ARHGAP32: variants seen among roughly 807,000 people sequenced by gnomAD.
The protein encoded by ARHGAP32 is Rho GTPase activating protein 32, also known as rho GTPase-activating protein 32.
Under a neutral mutation model 186.5 loss-of-function variants are expected in ARHGAP32, and 51 were observed. That is an observed-to-expected ratio of 0.27 (90% CI 0.22 to 0.35). ARHGAP32 has a LOEUF of 0.35. Ranked by LOEUF, ARHGAP32 falls within the 10% of genes least tolerant of loss-of-function variation. ARHGAP32 has a pLI of 1.00. For synonymous variants in ARHGAP32, 950 were observed against 964.3 expected, an observed-to-expected ratio of 0.99 and a Z score of 0.27; for missense variants, 2,186 against 2,623.5, an observed-to-expected ratio of 0.83 and a Z score of 3.64.
chr11:129,204,862 G>C (rs1277361321), intron 1 of ARHGAP32, among the ~76,000 whole-genome samples: 2 of 152,132 alleles, frequency 1.3e-5, no homozygotes, highest in Non-Finnish European at 2.9e-5. Flanking sequence ...TAAAGTAAGT[G>C]TACTACTATT....
In ARHGAP32 at chr11:129,123,652, C is replaced by A; in HGVS notation, c.360-122G>T. On this transcript the variant is annotated intron_variant, in intron 4 of 22. Transcript: ENST00000682385. The surrounding 1 kb of genome is among the most constrained non-coding windows in gnomAD (Gnocchi z 4.6). ...CAAAAATATTTCGTAAGCACATGCGCATGAGCCACACATATCCGCACAAAT... is the reference window on the plus strand; with the variant it reads ...CAAAAATATTTCGTAAGCACATGCGAATGAGCCACACATATCCGCACAAAT... 1 of 851,856 alleles carries A rather than the reference C, an allele frequency of 1.2e-6. No homozygotes were observed. Among genetic ancestry groups the A allele is most frequent in the Non-Finnish European group, 1.9e-6 (1 of 529,782 alleles). 52.8% of individuals were successfully genotyped at this position (851,856 alleles called of 1,614,324 possible). A position where few individuals can be genotyped will look rare whatever the true frequency, so the allele number is the denominator to read the frequency against.
intron 11 of ARHGAP32, among the ~76,000 whole-genome samples, chr11:129,024,476 C>T (rs1052237830): frequency 5.3e-5 from 8 of 152,244 alleles, no homozygotes; most frequent in African/African-American, 1.7e-4. Flanking sequence ...CAGTAAAAGG[C>T]TGAATCACTA....
intron 1 of ARHGAP32, among the ~76,000 whole-genome samples, chr11:129,242,864 A>G (rs1308704672): frequency 1.3e-5 from 2 of 152,142 alleles, no homozygotes. Context: ...AAATTGTAAT[A>G]AAGTGGTTCT....
intron 2 of ARHGAP32, among the ~76,000 whole-genome samples, chr11:129,147,912 G>C (rs541339624): frequency 2.0e-4 from 31 of 152,224 alleles, no homozygotes; most frequent in African/African-American, 6.7e-4. Context: ...TCACAACCTA[G>C]TAGGGAGACA....
chr11:129,262,307 G>GA (rs1945331923), intron 1 of ARHGAP32, among the ~76,000 whole-genome samples: 1 of 151,684 alleles, frequency 6.6e-6, no homozygotes, highest in Non-Finnish European at 1.5e-5. Flanking sequence ...CTAATAGGTA[G>GA]TAAATATCTA....
intron 6 of ARHGAP32, among the ~76,000 whole-genome samples, chr11:129,088,995 C>CAAA (rs10601798): frequency 2.4e-4 from 20 of 84,740 alleles, no homozygotes; most frequent in African/African-American, 5.9e-4. Flanking sequence ...GAGACCTTGT[C>CAAA]AAAAAAAAAA....
At chr11:129,126,055 T>C (rs1942652183) in intron 2 of ARHGAP32, 2 of 437,106 alleles carry the variant, frequency 4.6e-6, no homozygotes, top group Non-Finnish European at 9.1e-6. Context: ...TCCTAGGTAT[T>C]ATTTCATCAG....
chr11:129,221,677 C>CA (rs549323842), intron 1 of ARHGAP32, among the ~76,000 whole-genome samples: 72 of 151,902 alleles, frequency 4.7e-4, no homozygotes, highest in African/African-American at 1.6e-3. Context: ...CAGTAGAGGA[C>CA]AAACAGGCTT....
intron 5 of ARHGAP32, among the ~76,000 whole-genome samples, chr11:129,115,944 G>A (rs759156321): frequency 2.0e-5 from 3 of 152,106 alleles, no homozygotes; most frequent in Non-Finnish European, 4.4e-5. Flanking sequence ...AGTTTCATAA[G>A]TGCAGAGTTC....
chr11:129,274,660 A>C (rs1250291500), intron 1 of ARHGAP32, among the ~76,000 whole-genome samples: 1 of 152,204 alleles, frequency 6.6e-6, no homozygotes, highest in Non-Finnish European at 1.5e-5. Flanking sequence ...TGAGAGGCAC[A>C]CCAAATTTCT....
chr11:129,130,401 AG>A (rs1339808349), intron 2 of ARHGAP32, among the ~76,000 whole-genome samples: 1 of 152,094 alleles, frequency 6.6e-6, no homozygotes, highest in Non-Finnish European at 1.5e-5. Flanking sequence ...AATAAATCTG[AG>A]GTAAGTAGCA....
At position 129,260,847 on chromosome 11, in the gene ARHGAP32, AACT is replaced by A. The variant is rs527963592; in HGVS notation, c.-5+18296_-5+18298del. 5.1e-4 allele frequency among the ~76,000 whole-genome samples: 77 copies of A among 152,296 alleles called. 1 individual carries two copies. The highest frequency in any genetic ancestry group is 1.7e-3 in the African/African-American group (70 of 41,582). On this transcript the variant is annotated intron_variant, in intron 1 of 6. Transcript: ENST00000525234. Reference sequence around the variant, plus strand: ...AGGGTTACATAAGCATCTCTGAAATAACTTTTTTAGCAGCTAGGCTGCAAACTC... The same window carrying A: ...AGGGTTACATAAGCATCTCTGAAATATTTTTAGCAGCTAGGCTGCAAACTC...
intron 5 of ARHGAP32, among the ~76,000 whole-genome samples, chr11:129,108,942 G>C (rs74873356): frequency 1.9e-3 from 287 of 151,978 alleles, no homozygotes; most frequent in Non-Finnish European, 3.3e-3. Flanking sequence ...TCTCTCTTTC[G>C]GCTACTTTGA....
upstream of ARHGAP32, among the ~76,000 whole-genome samples, chr11:129,279,619 A>C (rs980097484): frequency 2.1e-5 from 3 of 144,238 alleles, no homozygotes; most frequent in Non-Finnish European, 4.6e-5. Context: ...CGACGCCCGC[A>C]GCGGGGAGAA....
At chr11:129,103,332 T>C (rs1591616782) in intron 5 of ARHGAP32, among the ~76,000 whole-genome samples, 1 of 151,872 alleles carries the variant, frequency 6.6e-6, no homozygotes, top group South Asian at 2.1e-4. Context: ...TGAAAACAGG[T>C]CAATGAAAAG....
intron 2 of ARHGAP32, among the ~76,000 whole-genome samples, chr11:129,130,330 ATTAAT>A (rs939272974): frequency 3.9e-5 from 6 of 152,138 alleles, no homozygotes; most frequent in African/African-American, 1.4e-4. Flanking sequence ...ATATACAAAA[ATTAAT>A]TCAGGATGGA....
At chr11:129,216,240 G>C (rs1404411387) in intron 1 of ARHGAP32, among the ~76,000 whole-genome samples, 1 of 152,026 alleles carries the variant, frequency 6.6e-6, no homozygotes, top group Non-Finnish European at 1.5e-5. Context: ...CCAGGGATTC[G>C]GATGCGGACA....
intron 2 of ARHGAP32, among the ~76,000 whole-genome samples, chr11:129,152,684 T>G (rs1943314409): frequency 6.6e-6 from 1 of 152,088 alleles, no homozygotes; most frequent in Admixed American, 6.5e-5. Context: ...CAAAATCCAG[T>G]ATCCCTTTAT....
chr11:129,046,021 A>T (rs937143975), intron 10 of ARHGAP32, among the ~76,000 whole-genome samples: 1 of 152,196 alleles, frequency 6.6e-6, no homozygotes, highest in Non-Finnish European at 1.5e-5. Flanking sequence ...CAGACATGCT[A>T]ATCTATACCA....
Sources: allele counts gnomAD v4.1 joint callset (sites outside exome capture counted in the v4.1 genomes callset), GRCh38; gene constraint gnomAD v4.1.1; non-coding constraint Gnocchi (gnomAD v3.1); transcripts MANE v1.5; gene names NCBI Gene and HGNC (gene_info 2026-07-23, HGNC 2026-07-21).